RIOX2: variants seen among roughly 807,000 people sequenced by gnomAD.
RIOX2 encodes the protein 60S ribosomal protein L27a histidine hydroxylase.
In RIOX2, 43 loss-of-function variants were observed where a neutral mutation model predicts 51.2. The observed-to-expected ratio is 0.84, with a 90% CI of 0.66 to 1.08. The LOEUF is 1.08. Ranked by LOEUF, RIOX2 falls within the 50% of genes least tolerant of loss-of-function variation. The pLI, the probability that RIOX2 is intolerant of heterozygous loss-of-function variation, is 0.00. For synonymous variants in RIOX2, 226 were observed against 218.5 expected, an observed-to-expected ratio of 1.03 and a Z score of -0.30; for missense variants, 566 against 561.7, an observed-to-expected ratio of 1.01 and a Z score of -0.08.
chr3:97,957,046 C>CA (rs2107165458), intron 4 of RIOX2, among the ~76,000 whole-genome samples: 1 of 152,254 alleles, frequency 6.6e-6, no homozygotes, highest in East Asian at 1.9e-4. Context: ...AGATGAACTG[C>CA]ACGGGCTGCC....
intron 7 of RIOX2, among the ~76,000 whole-genome samples, chr3:97,948,714 G>C (rs1705109524): frequency 6.6e-6 from 1 of 152,090 alleles, no homozygotes; most frequent in Non-Finnish European, 1.5e-5. Flanking sequence ...CCAGAGCAAA[G>C]CCCTGCTTCC....
intron 1 of RIOX2, among the ~76,000 whole-genome samples, chr3:97,970,191 T>C (rs1000874225): frequency 5.3e-5 from 8 of 152,166 alleles, no homozygotes; most frequent in Admixed American, 1.3e-4. Flanking sequence ...TAAGCCAAAA[T>C]AAAATCACTT....
chr3:97,967,129 G>T, intron 2 of RIOX2, 33 bp downstream of exon 2: 1 of 1,591,078 alleles, frequency 6.3e-7, no homozygotes, highest in Non-Finnish European at 8.6e-7. Flanking sequence ...ACTTTAAAAT[G>T]TATGAGGATT....
At chr3:97,971,659 A>C (rs542767006) in intron 1 of RIOX2, 3 of 152,218 alleles carry the variant, frequency 2.0e-5, no homozygotes, top group Non-Finnish European at 4.4e-5. Flanking sequence ...GTACCAGCAG[A>C]AGAAGCTGAG....
At position 97,942,315 on chromosome 3, in the gene RIOX2, G is replaced by A; in HGVS notation, c.*2869C>T. Reference sequence around the variant, plus strand: ...GATACATGTCTTGATGTGATTGGTGGCCGGGACACACCTGGAGCTAAAGTA... The same window carrying A: ...GATACATGTCTTGATGTGATTGGTGACCGGGACACACCTGGAGCTAAAGTA... On this transcript the variant is annotated 3_prime_UTR_variant, in exon 10 of 10. Transcript: ENST00000394198. The A allele has an allele frequency of 6.2e-7, 1 of 1,610,792 alleles. No homozygotes were observed. The highest frequency in any genetic ancestry group is 8.5e-7 in the Non-Finnish European group (1 of 1,178,064).
intron 4 of RIOX2, among the ~76,000 whole-genome samples, chr3:97,958,606 C>T (rs1206651123): frequency 1.3e-5 from 2 of 152,260 alleles, no homozygotes; most frequent in East Asian, 3.9e-4. Flanking sequence ...ATGAGTCACA[C>T]TGGAATTTTA....
intron 7 of RIOX2, 37 bp downstream of exon 7, chr3:97,949,807 A>G: frequency 6.3e-7 from 1 of 1,594,480 alleles, no homozygotes. Context: ...ATCCTGCATT[A>G]GCCTCTGACC....
chr3:97,949,352 G>T (rs1705145290), intron 7 of RIOX2, among the ~76,000 whole-genome samples: 2 of 152,086 alleles, frequency 1.3e-5, no homozygotes, highest in South Asian at 4.1e-4. Context: ...ACTGTGAGTA[G>T]CCTGAGGTTT....
chr3:97,945,479 A>G, intron 9 of RIOX2, 137 bp from the exon 10 acceptor site: 1 of 763,242 alleles, frequency 1.3e-6, no homozygotes, highest in Non-Finnish European at 2.0e-6. Flanking sequence ...CTACAATTAG[A>G]TAACATAAAA....
intron 8 of RIOX2, among the ~76,000 whole-genome samples, chr3:97,946,185 A>G (rs1033543265): frequency 3.9e-5 from 6 of 152,132 alleles, no homozygotes; most frequent in African/African-American, 1.4e-4. Context: ...TCAGGATTTA[A>G]TGAAAAAGCA....
At chr3:97,967,748 T>C (rs949949251) in intron 1 of RIOX2, 116 bp from the exon 2 acceptor site, 8 of 701,996 alleles carry the variant, frequency 1.1e-5, no homozygotes, top group Non-Finnish European at 1.8e-5. Flanking sequence ...GAACTCTTCA[T>C]AGGTCAAAGC....
intron 2 of RIOX2, among the ~76,000 whole-genome samples, chr3:97,963,335 C>T (rs922767875): frequency 6.6e-6 from 1 of 151,954 alleles, no homozygotes. Flanking sequence ...ACTTTGTTGC[C>T]CAGGCTGTTG....
rs1342558330 is a variant in RIOX2, at chr3:97,954,411, T to A, written c.766A>T (p.Ile256Phe). The A allele has an allele frequency of 1.2e-6, 2 of 1,613,666 alleles. No homozygotes were observed. Among genetic ancestry groups the A allele is most frequent in the Non-Finnish European group, 1.7e-6 (2 of 1,179,570 alleles). The stretch of plus-strand genomic sequence containing the variant: ...GTTTACTTGTTCTGGTAGGTGCTGA[T>A]GGTCACGTGAGTAGAGTGGGCCAGC... ...AGLAHSTHVTISTYQNNSWGD... is the reference protein window; with the variant it reads ...AGLAHSTHVTFSTYQNNSWGD... The change falls in exon 5 of 10, where the codon ATC (isoleucine) becomes TTC (phenylalanine). Residue 256 changes from isoleucine to phenylalanine, a missense_variant. Coordinates refer to ENST00000394198, the MANE Select transcript of RIOX2 (RefSeq NM_153182.4).
At position 97,950,893 on chromosome 3, in the gene RIOX2, G is replaced by A. The variant is rs1421009134; in HGVS notation, c.786-5C>T. 1 of 1,603,246 alleles carries A rather than the reference G, an allele frequency of 6.2e-7. No homozygotes were observed. The highest frequency in any genetic ancestry group is 1.3e-5 in the African/African-American group (1 of 74,616). On this transcript the variant is annotated splice_region_variant and splice_polypyrimidine_tract_variant and intron_variant, in intron 5 of 9. Coordinates refer to ENST00000394198, the MANE Select transcript of RIOX2 (RefSeq NM_153182.4). ...AAAAGGAAATCTCCCCATGAACTAG[G>A]ATATGCACCAAGGGGGAAAAAAAAA...
chr3:97,965,332 C>T (rs993763841), intron 2 of RIOX2, among the ~76,000 whole-genome samples: 6 of 151,558 alleles, frequency 4.0e-5, no homozygotes, highest in East Asian at 1.9e-4. Flanking sequence ...GCCAACATGG[C>T]GAAACCCTGT....
At position 97,950,800 on chromosome 3, in the gene RIOX2, G is replaced by A. The variant is rs750184478; in HGVS notation, c.874C>T (p.Arg292Trp). ...TTACTCCTTACCAGGAGCAGCTGCC[G>A]GGGTATGCCGGTCCGTAACTCCACG... The part of the protein sequence containing the change: ...EDVELRTGIP[R>W]QLLLQVESTT... Residue 292 changes from arginine to tryptophan, a missense_variant, in exon 6 of 10, where the codon CGG becomes TGG. Physicochemically the swap from Arg to Trp is moderately radical, Grantham distance 101. Transcript: ENST00000394198. 1.5e-5 allele frequency: 24 copies of A among 1,613,418 alleles called. No homozygotes were observed. Among genetic ancestry groups the A allele is most frequent in the South Asian group, 2.2e-5 (2 of 91,062 alleles).
chr3:97,958,208 A>T (rs1705527293), intron 4 of RIOX2, among the ~76,000 whole-genome samples: 1 of 152,214 alleles, frequency 6.6e-6, no homozygotes, highest in South Asian at 2.1e-4. Flanking sequence ...GCTAATTATA[A>T]CTTCGAGACA....
intron 2 of RIOX2, among the ~76,000 whole-genome samples, chr3:97,962,799 C>T (rs1042633251): frequency 6.6e-6 from 1 of 152,148 alleles, no homozygotes; most frequent in African/African-American, 2.4e-5. Flanking sequence ...CTTCAGTTTA[C>T]AGATGAGGAA....
At chr3:97,957,898 T>G (rs1377018469) in intron 4 of RIOX2, among the ~76,000 whole-genome samples, 1 of 152,204 alleles carries the variant, frequency 6.6e-6, no homozygotes, top group Non-Finnish European at 1.5e-5. Flanking sequence ...TGGCAACTAG[T>G]CCGCTCTGCT....
Sources: allele counts gnomAD v4.1 joint callset (sites outside exome capture counted in the v4.1 genomes callset), GRCh38; gene constraint gnomAD v4.1.1; transcripts MANE v1.5; gene names NCBI Gene and HGNC (gene_info 2026-07-23, HGNC 2026-07-21).